TRAPPC12: variants seen among roughly 807,000 people sequenced by gnomAD.
The protein encoded by TRAPPC12 is TPR repeat protein 15.
TRAPPC12 carries 61 observed loss-of-function variants against 69.2 expected under a neutral mutation model. The observed-to-expected ratio is 0.88, with a 90% CI of 0.72 to 1.09. The LOEUF (loss-of-function observed/expected upper bound fraction) is 1.09. Ranked by LOEUF, TRAPPC12 falls within the 50% of genes least tolerant of loss-of-function variation. TRAPPC12 has a pLI of 0.00. For synonymous variants in TRAPPC12, 469 were observed against 438.9 expected, an observed-to-expected ratio of 1.07 and a Z score of -0.86; for missense variants, 1,101 against 1,016.4, an observed-to-expected ratio of 1.08 and a Z score of -1.13.
At chr2:3,412,195 C>A (rs1203373308) in intron 3 of TRAPPC12, among the ~76,000 whole-genome samples, 1 of 152,120 alleles carries the variant, frequency 6.6e-6, no homozygotes, top group Admixed American at 6.6e-5. Flanking sequence ...CGGCCACTGC[C>A]CCAAGGAGCT....
intron 1 of TRAPPC12, among the ~76,000 whole-genome samples, chr2:3,381,749 G>A (rs1160014617): frequency 6.6e-6 from 1 of 152,186 alleles, no homozygotes; most frequent in Non-Finnish European, 1.5e-5. Flanking sequence ...CCATTTCCCA[G>A]TGCGTTGAAA....
In TRAPPC12 at chr2:3,388,087, A is replaced by G; in HGVS notation, c.464A>G (p.Glu155Gly). The G allele has an allele frequency of 6.5e-7, 1 of 1,541,944 alleles. No individual in the cohort carries two copies. Among genetic ancestry groups the G allele is most frequent in the Non-Finnish European group, 8.7e-7 (1 of 1,149,428 alleles). Residue 155 changes from glutamate (E) to glycine (G), a missense_variant, in exon 2 of 12, where the codon GAG becomes GGG. By Grantham distance (98) the Glu-to-Gly change is moderately conservative (BLOSUM62 -2). Coordinates refer to ENST00000324266, the MANE Select transcript of TRAPPC12 (RefSeq NM_016030.6). ...ARPEQEPPVA[E>G]PVPVCTIFSQ... is the part of the protein sequence containing the mutation. ...CCGGAGCAGGAGCCTCCCGTTGCGGAGCCGGTCCCGGTGTGCACCATCTTC... is the reference window on the plus strand; with the variant it reads ...CCGGAGCAGGAGCCTCCCGTTGCGGGGCCGGTCCCGGTGTGCACCATCTTC...
At chr2:3,473,086 T>C (rs1288064186) in intron 9 of TRAPPC12, among the ~76,000 whole-genome samples, 1 of 152,168 alleles carries the variant, frequency 6.6e-6, no homozygotes, top group Non-Finnish European at 1.5e-5. Flanking sequence ...GTCAAGCTTG[T>C]CTGGTAGAGG....
Position 3,385,154 on chromosome 2 carries a change from G to A in TRAPPC12, c.-4-2466G>A, listed in dbSNP as rs144032230. Among the ~76,000 whole-genome samples, 375 of 152,054 alleles carry A rather than the reference G, an allele frequency of 2.5e-3. 2 individuals carry two copies. Among genetic ancestry groups the A allele is most frequent in the African/African-American group, 8.5e-3 (354 of 41,508 alleles). On this transcript the variant is annotated intron_variant, in intron 1 of 11. Coordinates refer to ENST00000324266, the MANE Select transcript of TRAPPC12 (RefSeq NM_016030.6). Reference sequence around the variant, plus strand: ...TTCATAAAAGCATCATCTAAATCACGTTTTATATCATTTTTATTTGAGCAT... The same window carrying A: ...TTCATAAAAGCATCATCTAAATCACATTTTATATCATTTTTATTTGAGCAT...
rs1283054264 is a variant in TRAPPC12 at position 3,414,323 on chromosome 2, A to G, written c.1165-7558A>G. Among the ~76,000 whole-genome samples the G allele has an allele frequency of 6.6e-6, 1 of 152,190 alleles. No homozygotes were observed. Among genetic ancestry groups the G allele is most frequent in the Non-Finnish European group, 1.5e-5 (1 of 68,036 alleles). ...ACTCAAACCAGGCACGTGTGATCTCAGAAGAAATCTCACTTCGTCGTGTGA... is the reference window on the plus strand; with the variant it reads ...ACTCAAACCAGGCACGTGTGATCTCGGAAGAAATCTCACTTCGTCGTGTGA... On this transcript the variant is annotated intron_variant, in intron 3 of 11. Coordinates refer to ENST00000324266, the MANE Select transcript of TRAPPC12 (RefSeq NM_016030.6). This position sits in a 1 kb window ranked among gnomAD's most constrained non-coding sequence, Gnocchi z 4.9.
intron 9 of TRAPPC12, among the ~76,000 whole-genome samples, chr2:3,471,484 C>T (rs1460173547): frequency 6.6e-6 from 1 of 152,184 alleles, no homozygotes; most frequent in Non-Finnish European, 1.5e-5. Context: ...TTTCCACAGT[C>T]CCTTCATCTT....
At position 3,388,451 on chromosome 2, in the gene TRAPPC12, G is replaced by T. The variant is rs767405624; in HGVS notation, c.828G>T (p.Ser276=). Residue 276 remains serine (S), a synonymous_variant, in exon 2 of 12, where the codon TCG becomes TCT. Transcript: ENST00000324266. ...CCCAGGCAGCTGCGCCCCCGGCGTC[G>T]CCAGAGCCTTTCGCGCACATCCAGG... ...RGPQAAAPPA[S]PEPFAHIQAV... The T allele has an allele frequency of 1.9e-6, 3 of 1,610,570 alleles. No homozygotes were observed. The highest frequency in any genetic ancestry group is 2.5e-6 in the Non-Finnish European group (3 of 1,178,874).
chr2:3,449,749 C>T (rs914825138), intron 6 of TRAPPC12, among the ~76,000 whole-genome samples: 1 of 152,128 alleles, frequency 6.6e-6, no homozygotes, highest in East Asian at 1.9e-4. Flanking sequence ...ACCCGCACAC[C>T]GACAGTGGCC....
intron 6 of TRAPPC12, among the ~76,000 whole-genome samples, chr2:3,453,243 C>A (rs1339419093): frequency 1.3e-5 from 2 of 152,222 alleles, no homozygotes; most frequent in African/African-American, 4.8e-5. Context: ...GTCCCCGGTA[C>A]TTCCCAGCAG....
At chr2:3,405,043 A>C (rs946756930) in intron 3 of TRAPPC12, among the ~76,000 whole-genome samples, 9 of 151,840 alleles carry the variant, frequency 5.9e-5, no homozygotes, top group Non-Finnish European at 1.3e-4. Flanking sequence ...GATTCTGAGA[A>C]CCCTCGGGTT....
chr2:3,462,634 C>T (rs1298880967), intron 8 of TRAPPC12, among the ~76,000 whole-genome samples: 1 of 152,254 alleles, frequency 6.6e-6, no homozygotes, highest in Non-Finnish European at 1.5e-5. Flanking sequence ...CTGGATAAAT[C>T]TGCATGATAT....
chr2:3,389,592 C>T (rs1410285087), intron 2 of TRAPPC12: 3 of 455,430 alleles, frequency 6.6e-6, no homozygotes, highest in African/African-American at 6.0e-5. Flanking sequence ...TGCTGCCGGA[C>T]TAACGGGCAT....
Position 3,479,343 on chromosome 2 carries a change from T to C in TRAPPC12, c.2090T>C (p.Leu697Pro), listed in dbSNP as rs1277040737. The C allele has an allele frequency of 1.2e-6, 2 of 1,614,192 alleles. No individual in the cohort carries two copies. The highest frequency in any genetic ancestry group is 1.1e-5 in the South Asian group (1 of 91,088). ...CTGCACGAGAGCGTGCTCTTCAACC[T>C]GACCACCATGTACGAGCTGGAGTCC... ...HYLHESVLFN[L>P]TTMYELESSR... The change falls in exon 12 of 12, where the codon CTG (leucine) becomes CCG (proline). Residue 697 changes from leucine (L) to proline (P), a missense_variant. Leu to Pro is a moderately conservative substitution (Grantham distance 98). Coordinates refer to ENST00000324266, the MANE Select transcript of TRAPPC12 (RefSeq NM_016030.6).
chr2:3,477,113 C>G (rs560321001), intron 9 of TRAPPC12, among the ~76,000 whole-genome samples: 1 of 152,228 alleles, frequency 6.6e-6, no homozygotes, highest in Admixed American at 6.5e-5. Flanking sequence ...TTCCACCCCC[C>G]AGGCCTCCTC....
intron 5 of TRAPPC12, among the ~76,000 whole-genome samples, chr2:3,437,284 TCCCCCC>T (rs1663868370): frequency 7.8e-5 from 1 of 12,744 alleles, no homozygotes; most frequent in Non-Finnish European, 1.7e-4. Flanking sequence ...CCTGGATTAA[TCCCCCC>T]ATCACCCCTG....
At chr2:3,461,286 G>T (rs1015716006) in intron 8 of TRAPPC12, among the ~76,000 whole-genome samples, 2 of 152,230 alleles carry the variant, frequency 1.3e-5, no homozygotes, top group African/African-American at 4.8e-5. Context: ...CTGGGTGCGG[G>T]TATAGATTCA....
intron 11 of TRAPPC12, 98 bp downstream of exon 11, chr2:3,479,031 T>C (rs959102756): frequency 5.7e-5 from 85 of 1,483,538 alleles, no homozygotes; most frequent in Non-Finnish European, 4.4e-5. Context: ...GCGCTCTCTC[T>C]CTCCAGTCCA....
chr2:3,418,247 T>C (rs1662558715), intron 3 of TRAPPC12, among the ~76,000 whole-genome samples: 1 of 134,570 alleles, frequency 7.4e-6, no homozygotes, highest in Non-Finnish European at 1.6e-5. Flanking sequence ...AAATAATAAC[T>C]AATTCACAAT....
At chr2:3,421,752 A>C (rs1273788564) in intron 3 of TRAPPC12, 129 bp from the exon 4 acceptor site, 1 of 823,050 alleles carries the variant, frequency 1.2e-6, no homozygotes. Context: ...CGTTGTCACC[A>C]TTACTAACGG....
Sources: gnomAD v4.1 joint callset for allele counts (sites outside exome capture counted in the v4.1 genomes callset) on GRCh38, gnomAD v4.1.1 for gene constraint, Gnocchi (gnomAD v3.1) non-coding constraint, MANE v1.5 for transcripts, NCBI Gene and HGNC (gene_info 2026-07-23, HGNC 2026-07-21) for gene names.